The following ABCB5 variants were observed in gnomAD, a reference collection of about 807,000 sequenced individuals.
ABCB5 encodes the protein ATP binding cassette subfamily B member 5, also known as ATP-binding cassette sub-family B member 5.
A neutral mutation model predicts 144.2 loss-of-function variants in ABCB5; 155 were observed. The ratio of observed to expected loss-of-function variants is 1.08; its 90% CI spans 0.94 to 1.23. The LOEUF (loss-of-function observed/expected upper bound fraction) is 1.23, where lower values mean the gene tolerates loss of function less well. Among genes scored for constraint, ABCB5 ranks in the 50% most tolerant of loss-of-function variants. The probability of loss-of-function intolerance (pLI) is 0.00; values close to 1 mark genes in which losing one functional copy is unlikely to be tolerated. For synonymous variants in ABCB5, 610 were observed against 528.6 expected, an observed-to-expected ratio of 1.15 and a Z score of -2.11; for missense variants, 1,830 against 1,520.8, an observed-to-expected ratio of 1.20 and a Z score of -3.38.
intron 15 of ABCB5, among the ~76,000 whole-genome samples, chr7:20,685,230 A>G (rs1785956122): frequency 6.6e-6 from 1 of 152,208 alleles, no homozygotes; most frequent in Non-Finnish European, 1.5e-5. Context: ...TTCACAGTTC[A>G]GAATGGGTAG....
At chr7:20,621,456 G>A (rs1366649415) in intron 1 of ABCB5, among the ~76,000 whole-genome samples, 2 of 152,106 alleles carry the variant, frequency 1.3e-5, no homozygotes, top group African/African-American at 4.8e-5. Context: ...CTAGGCTGGT[G>A]CCTATGCTGC....
At position 20,755,785 on chromosome 7, in the gene ABCB5, G is replaced by C. The variant is rs995997016; in HGVS notation, c.*161G>C. ...CTATTCACACACCATCTGACCTTCAGATTTTTAAAAGGAAGCAAAAATTTG... is the reference window on the plus strand; with the variant it reads ...CTATTCACACACCATCTGACCTTCACATTTTTAAAAGGAAGCAAAAATTTG... On this transcript the variant is annotated 3_prime_UTR_variant, in exon 28 of 28. Transcript: ENST00000404938. The C allele has an allele frequency of 4.2e-6, 3 of 714,396 alleles. No individual in the cohort carries two copies. In the East Asian group the frequency reaches 8.4e-5, roughly 20 times the overall value. The allele number at this position is 714,396 out of a possible 1,614,324, so 44.3% of individuals were successfully genotyped here.
chr7:20,654,242 A>G (rs1294659012), intron 13 of ABCB5, among the ~76,000 whole-genome samples: 2 of 152,282 alleles, frequency 1.3e-5, no homozygotes, highest in South Asian at 2.1e-4. Context: ...CTTCAACACA[A>G]CAATTACAGT....
At chr7:20,740,014 G>A (rs997263526) in intron 24 of ABCB5, among the ~76,000 whole-genome samples, 1 of 152,076 alleles carries the variant, frequency 6.6e-6, no homozygotes, top group Non-Finnish European at 1.5e-5. Flanking sequence ...GGTGGATCAC[G>A]AGGTCAGGAG....
intron 4 of ABCB5, among the ~76,000 whole-genome samples, chr7:20,629,606 C>CA (rs1242041074): frequency 1.3e-5 from 2 of 151,928 alleles, no homozygotes; most frequent in Non-Finnish European, 2.9e-5. Context: ...TATTAAAATA[C>CA]AAAAAATTAG....
Position 20,689,672 on chromosome 7 carries a change from G to C in ABCB5, c.2010+3836G>C, listed in dbSNP as rs1316774171. 3.3e-5 allele frequency among the ~76,000 whole-genome samples: 5 copies of C among 151,872 alleles called. No individual in the cohort carries two copies. The South Asian group carries it at 6.2e-4, about 19-fold the overall frequency. On this transcript the variant is annotated intron_variant, in intron 16 of 27. Coordinates refer to ENST00000404938, the MANE Select transcript of ABCB5 (RefSeq NM_001163941.2). ...TGAAAAACTATGCAGGCAGAACAGA[G>C]GAGAAAAAAAACCATCCTGCAGGAG...
chr7:20,681,346 C>T (rs568203980), intron 14 of ABCB5, among the ~76,000 whole-genome samples, 159 bp from the exon 15 acceptor site: 3 of 152,040 alleles, frequency 2.0e-5, no homozygotes, highest in Non-Finnish European at 4.4e-5. Context: ...AGGCTGATCT[C>T]TAACTCGTGA....
At chr7:20,657,887 C>G (rs1363245046) in intron 13 of ABCB5, among the ~76,000 whole-genome samples, 1 of 152,136 alleles carries the variant, frequency 6.6e-6, no homozygotes, top group Non-Finnish European at 1.5e-5. Flanking sequence ...AGGGACGTAA[C>G]CCAGTAGAAT....
intron 23 of ABCB5, among the ~76,000 whole-genome samples, chr7:20,729,519 C>T (rs139859367): frequency 2.0e-5 from 3 of 152,270 alleles, no homozygotes; most frequent in African/African-American, 7.2e-5. Context: ...GTTGGAGCTC[C>T]TATTTTGAAG....
rs1404796508 is a variant in ABCB5, at chr7:20,737,173, T to A, written c.2868-1810T>A. ...ACTCTGTCTTAAAAAAAAAAAAAGA[T>A]GAAGAAGATTAGTGTCCCTCACTCA... On this transcript the variant is annotated intron_variant, in intron 23 of 27. Transcript: ENST00000404938. Among the ~76,000 whole-genome samples, 22 of 148,628 alleles carry A rather than the reference T, an allele frequency of 1.5e-4. No homozygotes were observed. In the South Asian group the frequency reaches 3.4e-3, roughly 23 times the overall value.
intron 5 of ABCB5, among the ~76,000 whole-genome samples, chr7:20,640,254 T>C (rs554950434): frequency 9.2e-5 from 14 of 152,228 alleles, no homozygotes; most frequent in Non-Finnish European, 2.1e-4. Flanking sequence ...TATCAAATTC[T>C]GAAGATTACT....
At chr7:20,621,702 C>T (rs551994502) in intron 1 of ABCB5, among the ~76,000 whole-genome samples, 4 of 152,046 alleles carry the variant, frequency 2.6e-5, no homozygotes, top group African/African-American at 9.7e-5. Flanking sequence ...AATACAGACA[C>T]AAGCAAAGAG....
Position 20,643,625 on chromosome 7 carries a change from G to A in ABCB5, c.671G>A (p.Cys224Tyr), listed in dbSNP as rs1156997460. The stretch of plus-strand genomic sequence containing the variant: ...CTTATAATGGCTTCAGCGGCAGCAT[G>A]TTCTAGGGTAAGTGAGATGGCTAAT... ...SPLIMASAAACSRMVISLTSK... is the reference protein window; with the variant it reads ...SPLIMASAAAYSRMVISLTSK... The change falls in exon 7 of 28, where the codon TGT becomes TAT. Residue 224 changes from cysteine to tyrosine, a missense_variant. Physicochemically the swap from Cys to Tyr is radical, Grantham distance 194. Coordinates refer to ENST00000404938, the MANE Select transcript of ABCB5 (RefSeq NM_001163941.2). The A allele has an allele frequency of 3.7e-6, 6 of 1,613,870 alleles. No homozygotes were observed. Among genetic ancestry groups the A allele is most frequent in the African/African-American group, 1.3e-5 (1 of 75,052 alleles).
intron 22 of ABCB5, among the ~76,000 whole-genome samples, chr7:20,727,631 G>A (rs1473491048): frequency 6.6e-6 from 1 of 152,094 alleles, no homozygotes; most frequent in African/African-American, 2.4e-5. Flanking sequence ...GCTACTTGGA[G>A]GCTGAGGCAG....
chr7:20,646,139 G>T lies in ABCB5; in HGVS notation c.981+1G>T, dbSNP rs749645898. ...ATATACCATCGGGACTGTTCTTGCTGTAAGTCTTGTTTGAGAACAAGGTGT... is the reference window on the plus strand; with the variant it reads ...ATATACCATCGGGACTGTTCTTGCTTTAAGTCTTGTTTGAGAACAAGGTGT... On this transcript the variant is annotated splice_donor_variant, in intron 9 of 27. Transcript: ENST00000404938. LOFTEE classifies it high-confidence loss of function. The T allele has an allele frequency of 1.2e-6, 2 of 1,608,906 alleles. No homozygotes were observed. The highest frequency in any genetic ancestry group is 8.5e-7 in the Non-Finnish European group (1 of 1,178,428).
At chr7:20,628,080 A>T (rs1783948306) in intron 3 of ABCB5, among the ~76,000 whole-genome samples, 1 of 152,156 alleles carries the variant, frequency 6.6e-6, no homozygotes, top group South Asian at 2.1e-4. Context: ...ACATATGTAT[A>T]CATGTGCCAT....
At chr7:20,740,203 G>A (rs1182806502) in intron 24 of ABCB5, among the ~76,000 whole-genome samples, 1 of 152,194 alleles carries the variant, frequency 6.6e-6, no homozygotes, top group Non-Finnish European at 1.5e-5. Context: ...TCACGCCACT[G>A]CACCCCAGCT....
At chr7:20,681,042 TTCTTTCTCTCTCTCTC>T (rs1562559047) in intron 14 of ABCB5, among the ~76,000 whole-genome samples, 5 of 7,526 alleles carry the variant, frequency 6.6e-4, no homozygotes, top group African/African-American at 1.5e-3. Context: ...TTCTCTTTCT[TTCTTTCTCTCTCTCTC>T]TCTTTCTTTC....
intron 16 of ABCB5, among the ~76,000 whole-genome samples, chr7:20,695,178 T>C (rs1319823434): frequency 6.6e-6 from 1 of 151,966 alleles, no homozygotes; most frequent in Non-Finnish European, 1.5e-5. Flanking sequence ...CAATTACCTA[T>C]AGAACTATAG....
Sources: gnomAD v4.1 joint callset for allele counts (sites outside exome capture counted in the v4.1 genomes callset) on GRCh38, gnomAD v4.1.1 for gene constraint, MANE v1.5 for transcripts, NCBI Gene and HGNC (gene_info 2026-07-23, HGNC 2026-07-21) for gene names.